The following EDIL3 variants were observed in gnomAD, a reference collection of about 807,000 sequenced individuals.
The protein encoded by EDIL3 is EGF like and discoidin domains 3.
A neutral mutation model predicts 67.4 loss-of-function variants in EDIL3; 37 were observed. The observed-to-expected ratio is 0.55, with a 90% CI of 0.42 to 0.72. The LOEUF (loss-of-function observed/expected upper bound fraction) is 0.72. Among genes scored for constraint, EDIL3 ranks in the 30% least tolerant of loss-of-function variants. The pLI is 0.00. For missense variants in EDIL3, 527 were observed against 586.3 expected, an observed-to-expected ratio of 0.90 and a Z score of 1.04; for synonymous variants, 195 against 196.3, an observed-to-expected ratio of 0.99 and a Z score of 0.05.
At chr5:84,018,842 A>G (rs1002958109) in intron 9 of EDIL3, among the ~76,000 whole-genome samples, 2 of 152,060 alleles carry the variant, frequency 1.3e-5, no homozygotes, top group Non-Finnish European at 2.9e-5. Flanking sequence ...AAACCACAAT[A>G]AGATACCATC....
intron 9 of EDIL3, among the ~76,000 whole-genome samples, chr5:84,024,455 C>A (rs144989617): frequency 1.3e-5 from 2 of 152,214 alleles, no homozygotes; most frequent in African/African-American, 4.8e-5. Flanking sequence ...GCTGAGCACC[C>A]ATTATATATA....
intron 9 of EDIL3, among the ~76,000 whole-genome samples, chr5:84,040,388 G>A (rs1262483294): frequency 2.0e-5 from 3 of 151,692 alleles, no homozygotes; most frequent in Non-Finnish European, 4.4e-5. Context: ...TCAGAAATTG[G>A]TAATACCTCA....
intron 4 of EDIL3, among the ~76,000 whole-genome samples, chr5:84,176,149 T>C (rs1322499590): frequency 7.6e-6 from 1 of 130,968 alleles, no homozygotes; most frequent in Non-Finnish European, 1.6e-5. Context: ...TTTTTGATTG[T>C]TTTTTTCTGG....
chr5:84,198,131 C>G (rs1402705851), intron 3 of EDIL3, among the ~76,000 whole-genome samples: 6 of 151,934 alleles, frequency 3.9e-5, no homozygotes, highest in Non-Finnish European at 8.8e-5. Context: ...CTAGGAAACT[C>G]TAATGGTACC....
intron 9 of EDIL3, among the ~76,000 whole-genome samples, chr5:83,985,676 ACT>A (rs1745047146): frequency 6.6e-6 from 1 of 151,488 alleles, no homozygotes; most frequent in Non-Finnish European, 1.5e-5. Context: ...GTCTGTCTGA[ACT>A]CTCTTGTTGA....
At chr5:84,046,756 A>C (rs1383051500) in intron 9 of EDIL3, among the ~76,000 whole-genome samples, 1 of 152,252 alleles carries the variant, frequency 6.6e-6, no homozygotes, top group Non-Finnish European at 1.5e-5. Context: ...AAGATAACTA[A>C]TACGCCACAA....
chr5:83,992,277 T>C (rs567256940), intron 9 of EDIL3, among the ~76,000 whole-genome samples: 2 of 152,158 alleles, frequency 1.3e-5, no homozygotes, highest in East Asian at 3.9e-4. Flanking sequence ...TGTTCAAAAG[T>C]CTATTTCATG....
At position 84,132,532 on chromosome 5, in the gene EDIL3, AT is replaced by A. The variant is rs1561440865; in HGVS notation, c.469+4708del. ...TAATATATATTTTAATATATATTAT[AT>A]ATTTTATATATAATATATATTTTAT... On this transcript the variant is annotated intron_variant, in intron 5 of 10. Coordinates refer to ENST00000296591, the MANE Select transcript of EDIL3 (RefSeq NM_005711.5). Among the ~76,000 whole-genome samples the A allele has an allele frequency of 4.5e-4, 50 of 112,210 alleles. 1 individual carries two copies. The East Asian group carries it at 0.011, about 25-fold the overall frequency. 73.6% of individuals were successfully genotyped at this position (112,210 alleles called of 152,430 possible).
chr5:84,348,920 G>T (rs1414071551), intron 1 of EDIL3, among the ~76,000 whole-genome samples: 2 of 151,974 alleles, frequency 1.3e-5, no homozygotes, highest in Non-Finnish European at 2.9e-5. Flanking sequence ...TTACCTCTTG[G>T]ATTATGGAAA....
At chr5:84,229,938 G>A in intron 2 of EDIL3, 54 bp from the exon 3 acceptor site, 1 of 1,398,304 alleles carries the variant, frequency 7.2e-7, no homozygotes, top group Admixed American at 2.1e-5. Flanking sequence ...AAGGGAGGGA[G>A]AAGGGGGGAG....
intron 10 of EDIL3, among the ~76,000 whole-genome samples, chr5:83,953,607 T>C (rs1744456921): frequency 6.6e-6 from 1 of 151,836 alleles, no homozygotes; most frequent in Non-Finnish European, 1.5e-5. Context: ...TTGATGTTGT[T>C]TCTAACTTTA....
intron 1 of EDIL3, among the ~76,000 whole-genome samples, chr5:84,270,682 T>C (rs1260277439): frequency 6.6e-6 from 1 of 152,210 alleles, no homozygotes; most frequent in African/African-American, 2.4e-5. Context: ...TATAAGATAT[T>C]ATCTCTCATG....
intron 6 of EDIL3, among the ~76,000 whole-genome samples, chr5:84,066,981 CA>C (rs1358232507): frequency 1.3e-5 from 2 of 152,162 alleles, no homozygotes; most frequent in Non-Finnish European, 2.9e-5. Flanking sequence ...CTATTGTCAA[CA>C]TAACTATTAA....
intron 10 of EDIL3, among the ~76,000 whole-genome samples, chr5:83,953,318 G>C (rs906475823): frequency 2.6e-5 from 4 of 151,764 alleles, no homozygotes; most frequent in African/African-American, 9.7e-5. Context: ...CTAGACCTAA[G>C]CTGAGCAGTC....
At chr5:84,081,543 C>G (rs554936723) in intron 6 of EDIL3, among the ~76,000 whole-genome samples, 1 of 150,174 alleles carries the variant, frequency 6.7e-6, no homozygotes, top group African/African-American at 2.4e-5. Flanking sequence ...AGAGTGTTAC[C>G]AAAAAGAAAA....
At chr5:83,983,630 C>T (rs1007647392) in intron 9 of EDIL3, among the ~76,000 whole-genome samples, 6 of 151,848 alleles carry the variant, frequency 4.0e-5, no homozygotes, top group Non-Finnish European at 7.4e-5. Flanking sequence ...ATGAGAATGA[C>T]TTTAATGCCT....
At chr5:84,077,089 C>CT (rs552127491) in intron 6 of EDIL3, among the ~76,000 whole-genome samples, 2 of 151,912 alleles carry the variant, frequency 1.3e-5, no homozygotes, top group Non-Finnish European at 2.9e-5. Context: ...TGGATACTCT[C>CT]TTTTTTTACT....
rs1165921346 is a variant in EDIL3, at chr5:84,254,145, G to T, written c.135C>A (p.Ser45=). The T allele has an allele frequency of 1.2e-6, 2 of 1,612,890 alleles. No homozygotes were observed. The highest frequency in any genetic ancestry group is 1.7e-6 in the Non-Finnish European group (2 of 1,179,476). Residue 45 remains serine (S), a synonymous_variant, in exon 2 of 11, where the codon TCC becomes TCA. Coordinates refer to ENST00000296591, the MANE Select transcript of EDIL3 (RefSeq NM_005711.5). ...AGCCATCTGGACACTCACAGGAAAA[G>T]GAACCATCAGCCAATCCTGGCAAAC... ...GICLPGLADG[S]FSCECPDGFT...
intron 4 of EDIL3, among the ~76,000 whole-genome samples, chr5:84,148,849 A>G (rs1404154269): frequency 6.6e-6 from 1 of 152,062 alleles, no homozygotes; most frequent in African/African-American, 2.4e-5. Context: ...CCAAATCAGC[A>G]TATTTTCTTC....
Sources: allele counts gnomAD v4.1 joint callset (sites outside exome capture counted in the v4.1 genomes callset), GRCh38; gene constraint gnomAD v4.1.1; transcripts MANE v1.5; gene names NCBI Gene and HGNC (gene_info 2026-07-23, HGNC 2026-07-21).